ANKHD1: variants seen among roughly 807,000 people sequenced by gnomAD.
The protein encoded by ANKHD1 is ankyrin repeat and KH domain containing 1, also known as ankyrin repeat and KH domain-containing protein 1.
ANKHD1 carries 31 observed loss-of-function variants against 230.5 expected under a neutral mutation model. That is an observed-to-expected ratio of 0.13 (90% CI 0.10 to 0.18). The LOEUF (loss-of-function observed/expected upper bound fraction) is 0.18, where lower values mean the gene tolerates loss of function less well. Ranked by LOEUF, ANKHD1 falls within the 10% of genes least tolerant of loss-of-function variation. ANKHD1 has a pLI of 1.00. For missense variants in ANKHD1, 2,256 were observed against 3,071.3 expected, an observed-to-expected ratio of 0.73 and a Z score of 6.27; for synonymous variants, 1,074 against 1,117.6, an observed-to-expected ratio of 0.96 and a Z score of 0.78.
intron 14 of ANKHD1, among the ~76,000 whole-genome samples, chr5:140,492,967 T>C (rs1304264943): frequency 6.6e-6 from 1 of 151,872 alleles, no homozygotes; most frequent in Non-Finnish European, 1.5e-5. Flanking sequence ...TCATGGCTTC[T>C]AATACAGATT....
chr5:140,410,460 A>G lies in ANKHD1; in HGVS notation c.306+8187A>G, dbSNP rs568924096. Among the ~76,000 whole-genome samples the G allele has an allele frequency of 7.9e-5, 12 of 152,308 alleles. No homozygotes were observed. In the South Asian group the frequency reaches 2.3e-3, roughly 29 times the overall value. On this transcript the variant is annotated intron_variant, in intron 1 of 33. Transcript: ENST00000360839. ...CAGTGATCACTAATATAAATAAAAT[A>G]TGTTACTTTAAAGAAAAGCAAAACA...
At chr5:140,505,011 T>A in intron 16 of ANKHD1, 45 bp downstream of exon 16, 1 of 1,607,780 alleles carries the variant, frequency 6.2e-7, no homozygotes, top group Non-Finnish European at 8.5e-7. Flanking sequence ...CATTCTGATC[T>A]TCTTTGGAAA....
At chr5:140,484,918 TG>T in intron 11 of ANKHD1, 1 of 761,376 alleles carries the variant, frequency 1.3e-6, no homozygotes, top group Non-Finnish European at 1.8e-6. Flanking sequence ...TTTTGGTATG[TG>T]GATAATGTTC....
intron 1 of ANKHD1, among the ~76,000 whole-genome samples, chr5:140,428,333 C>T (rs1283336990): frequency 6.6e-6 from 1 of 152,238 alleles, no homozygotes; most frequent in African/African-American, 2.4e-5. Context: ...CACTGCACTC[C>T]AGCCTGGGCA....
At chr5:140,478,640 G>GT (rs1318483462) in intron 10 of ANKHD1, among the ~76,000 whole-genome samples, 1 of 151,898 alleles carries the variant, frequency 6.6e-6, no homozygotes, top group Non-Finnish European at 1.5e-5. Context: ...GGGTTTTTGG[G>GT]TTTTTTTGTT....
At chr5:140,417,011 A>G (rs1351345837) in intron 1 of ANKHD1, among the ~76,000 whole-genome samples, 1 of 152,196 alleles carries the variant, frequency 6.6e-6, no homozygotes, top group East Asian at 1.9e-4. Flanking sequence ...CTTGATCTGG[A>G]CAAAATATTA....
At chr5:140,431,858 T>C (rs1773071267) in intron 1 of ANKHD1, among the ~76,000 whole-genome samples, 1 of 152,244 alleles carries the variant, frequency 6.6e-6, no homozygotes, top group Admixed American at 6.5e-5. Context: ...ATTTTTCTTC[T>C]GAATTTGATT....
intron 10 of ANKHD1, among the ~76,000 whole-genome samples, chr5:140,480,913 G>C (rs1751245439): frequency 6.6e-6 from 1 of 152,036 alleles, no homozygotes; most frequent in African/African-American, 2.4e-5. Context: ...TACTTACACA[G>C]ACTAAAATAT....
In ANKHD1 at chr5:140,458,762, G is replaced by A. The variant is rs374354738; in HGVS notation, c.1380G>A (p.Arg460=). The change falls in exon 8 of 34, where the codon AGG becomes AGA. Residue 460 remains arginine (R), a synonymous_variant. Transcript: ENST00000360839. Reference sequence around the variant, plus strand: ...AATTGGCAGCTCTACTTATTGAAAGGGGAGCAAATCTTGAAGAAGTTAATG... The same window carrying A: ...AATTGGCAGCTCTACTTATTGAAAGAGGAGCAAATCTTGAAGAAGTTAATG... ...HVELAALLIE[R]GANLEEVNDE... 1.9e-6 allele frequency: 3 copies of A among 1,612,960 alleles called. No homozygotes were observed. Among genetic ancestry groups the A allele is most frequent in the Non-Finnish European group, 2.5e-6 (3 of 1,179,758 alleles).
intron 1 of ANKHD1, among the ~76,000 whole-genome samples, chr5:140,418,967 G>T (rs911434157): frequency 5.3e-5 from 8 of 152,336 alleles, no homozygotes; most frequent in African/African-American, 1.9e-4. Context: ...CTGGCCTCTA[G>T]TGATCCACTT....
Position 140,496,917 on chromosome 5 carries a change from A to G in ANKHD1, c.2643A>G (p.Glu881=). The G allele has an allele frequency of 1.2e-6, 2 of 1,614,192 alleles. No individual in the cohort carries two copies. Among genetic ancestry groups the G allele is most frequent in the Non-Finnish European group, 1.7e-6 (2 of 1,180,032 alleles). ...QQCSHRGVFP[E]GEGDGSLPED... ...GCTCTCATAGAGGAGTCTTCCCAGAAGGGGAAGGAGATGGTAGTCTCCCAG... is the reference window on the plus strand; with the variant it reads ...GCTCTCATAGAGGAGTCTTCCCAGAGGGGGAAGGAGATGGTAGTCTCCCAG... The change falls in exon 15 of 34, where the codon GAA becomes GAG. Residue 881 remains glutamate, a synonymous_variant. Coordinates refer to ENST00000360839, the MANE Select transcript of ANKHD1 (RefSeq NM_017747.3).
In ANKHD1 at chr5:140,458,865, A is replaced by G; in HGVS notation, c.1480+3A>G. On this transcript the variant is annotated splice_donor_region_variant and intron_variant, in intron 8 of 33. Coordinates refer to ENST00000360839, the MANE Select transcript of ANKHD1 (RefSeq NM_017747.3). ...GGTGGCACTACTCTTAGCACAAGGT[A>G]AAGCAGTTTTACTTCTTTTAGAAAA... 1.9e-6 allele frequency: 3 copies of G among 1,596,806 alleles called. No homozygotes were observed. In the South Asian group the frequency reaches 3.4e-5, roughly 18 times the overall value.
At chr5:140,417,925 C>T (rs577398025) in intron 1 of ANKHD1, among the ~76,000 whole-genome samples, 7 of 150,270 alleles carry the variant, frequency 4.7e-5, no homozygotes, top group South Asian at 2.1e-4. Context: ...CTGCAACCTC[C>T]GCCTCCTGGG....
chr5:140,534,391 CAA>C (rs1208990002), intron 29 of ANKHD1, among the ~76,000 whole-genome samples: 15 of 84,556 alleles, frequency 1.8e-4, no homozygotes, highest in East Asian at 3.4e-4. Flanking sequence ...GACTCCGTCT[CAA>C]AAAAAAAAAA....
chr5:140,436,550 A>G (rs981447627), intron 2 of ANKHD1, among the ~76,000 whole-genome samples: 1 of 152,102 alleles, frequency 6.6e-6, no homozygotes, highest in African/African-American at 2.4e-5. Flanking sequence ...TTCAAGACCA[A>G]CCTGGGCAAC....
At chr5:140,438,871 C>T (rs973138718) in intron 3 of ANKHD1, among the ~76,000 whole-genome samples, 2 of 152,206 alleles carry the variant, frequency 1.3e-5, no homozygotes, top group African/African-American at 4.8e-5. Context: ...GAAATCCAAA[C>T]TGAATAAGAT....
intron 14 of ANKHD1, among the ~76,000 whole-genome samples, chr5:140,489,922 T>C (rs1306353165): frequency 6.6e-6 from 1 of 152,216 alleles, no homozygotes; most frequent in African/African-American, 2.4e-5. Flanking sequence ...GTATAAATCA[T>C]GCATATCATA....
At chr5:140,444,574 A>G (rs1774128905) in intron 5 of ANKHD1, among the ~76,000 whole-genome samples, 1 of 152,150 alleles carries the variant, frequency 6.6e-6, no homozygotes, top group Admixed American at 6.6e-5. Flanking sequence ...TTGATGCCAG[A>G]TGTCCTTTTC....
chr5:140,495,458 G>A (rs1402043097), intron 14 of ANKHD1, among the ~76,000 whole-genome samples: 3 of 151,950 alleles, frequency 2.0e-5, no homozygotes, highest in Non-Finnish European at 4.4e-5. Context: ...TGTTAGCCAG[G>A]ATGGTCTCGA....
Sources: gnomAD v4.1 joint callset for allele counts (sites outside exome capture counted in the v4.1 genomes callset) on GRCh38, gnomAD v4.1.1 for gene constraint, MANE v1.5 for transcripts, NCBI Gene and HGNC (gene_info 2026-07-23, HGNC 2026-07-21) for gene names.